The following CDH18 variants were observed in gnomAD, a reference collection of about 807,000 sequenced individuals.
CDH18 encodes the protein cadherin-18.
Under a neutral mutation model 67.9 loss-of-function variants are expected in CDH18, and 31 were observed. The ratio of observed to expected loss-of-function variants is 0.46; its 90% CI spans 0.34 to 0.62. The LOEUF (loss-of-function observed/expected upper bound fraction) is 0.62. Ranked by LOEUF, CDH18 falls within the 20% of genes least tolerant of loss-of-function variation. CDH18 has a pLI of 0.01. For missense variants in CDH18, 890 were observed against 975.5 expected (o/e 0.91, Z 1.17); for synonymous variants, 362 against 347.2 (o/e 1.04, Z -0.48).
At chr5:20,020,754 C>A (rs1043750126) in intron 2 of CDH18, among the ~76,000 whole-genome samples, 1 of 152,094 alleles carries the variant, frequency 6.6e-6, no homozygotes, top group Admixed American at 6.6e-5. Context: ...AGGACCAGAG[C>A]CCCCATGGAG....
chr5:19,804,310 A>AT (rs925388798), intron 3 of CDH18, among the ~76,000 whole-genome samples: 2 of 149,768 alleles, frequency 1.3e-5, no homozygotes, highest in African/African-American at 4.9e-5. Flanking sequence ...TCAAAAAAAA[A>AT]AAAATAAATA....
At chr5:19,924,432 A>G (rs1345710884) in intron 2 of CDH18, among the ~76,000 whole-genome samples, 4 of 152,166 alleles carry the variant, frequency 2.6e-5, no homozygotes, top group Admixed American at 2.0e-4. Context: ...AGGTCAGGAG[A>G]TCAAGATCAG....
chr5:20,530,719 C>T (rs529130793), intron 1 of CDH18, among the ~76,000 whole-genome samples: 2 of 152,166 alleles, frequency 1.3e-5, no homozygotes, highest in East Asian at 1.9e-4. Flanking sequence ...TTCTTTACAA[C>T]TTACACAAAA....
intron 1 of CDH18, among the ~76,000 whole-genome samples, chr5:20,571,690 A>G (rs141653019): frequency 0.015 from 2,325 of 152,226 alleles, 25 homozygotes; most frequent in Non-Finnish European, 0.024. Context: ...TATCTTTACC[A>G]TTTTCATATT....
chr5:19,746,133 T>A (rs1344750806), intron 4 of CDH18, among the ~76,000 whole-genome samples: 1 of 152,112 alleles, frequency 6.6e-6, no homozygotes, highest in Admixed American at 6.5e-5. Flanking sequence ...TTTAAACTAC[T>A]TTTTAAAAAA....
chr5:19,974,554 T>G (rs1387545304), intron 2 of CDH18, among the ~76,000 whole-genome samples: 1 of 148,356 alleles, frequency 6.7e-6, no homozygotes, highest in Non-Finnish European at 1.5e-5. Flanking sequence ...GAGGGAAGTT[T>G]CCAGAGCACA....
At chr5:19,956,233 C>T (rs1796243186) in intron 2 of CDH18, among the ~76,000 whole-genome samples, 1 of 152,042 alleles carries the variant, frequency 6.6e-6, no homozygotes, top group East Asian at 1.9e-4. Context: ...AATTTAGATG[C>T]TAAATTGAAA....
At chr5:20,409,127 C>T (rs1472784539) in intron 1 of CDH18, among the ~76,000 whole-genome samples, 7 of 151,480 alleles carry the variant, frequency 4.6e-5, no homozygotes, top group Non-Finnish European at 1.0e-4. Flanking sequence ...ACTACAATAC[C>T]ACACTTAAGG....
intron 4 of CDH18, among the ~76,000 whole-genome samples, chr5:19,726,408 T>A (rs1192227963): frequency 6.6e-6 from 1 of 152,196 alleles, no homozygotes; most frequent in African/African-American, 2.4e-5. Context: ...AATCGCCTCG[T>A]GTACTATGTG....
At chr5:20,250,541 T>C (rs1184919967) in intron 2 of CDH18, among the ~76,000 whole-genome samples, 1 of 137,878 alleles carries the variant, frequency 7.3e-6, no homozygotes, top group Non-Finnish European at 1.5e-5. Flanking sequence ...TCCGCCCACC[T>C]CAGCCTCCTA....
intron 2 of CDH18, among the ~76,000 whole-genome samples, chr5:19,887,235 C>T (rs914104756): frequency 1.5e-4 from 23 of 151,322 alleles, no homozygotes; most frequent in African/African-American, 5.3e-4. Context: ...AACGTAACAG[C>T]GCATACTCAC....
intron 5 of CDH18, among the ~76,000 whole-genome samples, chr5:19,629,873 G>GA (rs561466054): frequency 6.6e-6 from 1 of 151,974 alleles, no homozygotes; most frequent in Non-Finnish European, 1.5e-5. Context: ...CAAAAGTGAA[G>GA]AAAAAAATTT....
At chr5:20,012,874 A>C (rs1246185362) in intron 2 of CDH18, among the ~76,000 whole-genome samples, 1 of 136,302 alleles carries the variant, frequency 7.3e-6, no homozygotes, top group Admixed American at 7.2e-5. Flanking sequence ...GGACACATAG[A>C]GGGGATCTAC....
intron 2 of CDH18, among the ~76,000 whole-genome samples, chr5:20,182,836 AT>A (rs1442169685): frequency 6.6e-6 from 1 of 151,690 alleles, no homozygotes; most frequent in Non-Finnish European, 1.5e-5. Context: ...GAAAAAAAAA[AT>A]CTCTTCTTTG....
intron 2 of CDH18, among the ~76,000 whole-genome samples, chr5:19,924,261 C>G (rs1301750780): frequency 6.6e-6 from 1 of 152,162 alleles, no homozygotes; most frequent in Non-Finnish European, 1.5e-5. Context: ...GCAGTCTGTC[C>G]TCTCCTCTCC....
intron 2 of CDH18, among the ~76,000 whole-genome samples, chr5:20,160,785 A>G (rs1751910644): frequency 6.6e-6 from 1 of 152,230 alleles, no homozygotes; most frequent in South Asian, 2.1e-4. Context: ...CATGTGTAAC[A>G]AACTGATGAA....
At chr5:20,332,731 C>A (rs1301161711) in intron 1 of CDH18, among the ~76,000 whole-genome samples, 1 of 152,030 alleles carries the variant, frequency 6.6e-6, no homozygotes, top group African/African-American at 2.4e-5. Context: ...TGAACTATAC[C>A]TACATTTCAT....
chr5:19,595,972 A>G (rs1386561433), intron 6 of CDH18, among the ~76,000 whole-genome samples: 1 of 152,232 alleles, frequency 6.6e-6, no homozygotes, highest in Admixed American at 6.5e-5. Context: ...CATTACTAAA[A>G]GATCTATCTT....
At chr5:20,372,775 A>G (rs1743108787) in intron 1 of CDH18, among the ~76,000 whole-genome samples, 1 of 152,094 alleles carries the variant, frequency 6.6e-6, no homozygotes, top group South Asian at 2.1e-4. Flanking sequence ...ATATTGGATG[A>G]TTTTTATTGA....
Sources: gnomAD v4.1 joint callset for allele counts (sites outside exome capture counted in the v4.1 genomes callset) on GRCh38, gnomAD v4.1.1 for gene constraint, MANE v1.5 for transcripts, NCBI Gene and HGNC (gene_info 2026-07-23, HGNC 2026-07-21) for gene names.